RABGAP1L: variants seen among roughly 807,000 people sequenced by gnomAD.
RABGAP1L encodes RAB GTPase activating protein 1 like.
A neutral mutation model predicts 137.7 loss-of-function variants in RABGAP1L; 63 were observed. The observed-to-expected ratio is 0.46, with a 90% confidence interval of 0.37 to 0.56. The LOEUF is 0.56. RABGAP1L is among the 20% of genes least tolerant of loss of function. RABGAP1L has a pLI of 0.00. For missense variants in RABGAP1L, 1,095 were observed against 1,244.0 expected, an observed-to-expected ratio of 0.88 and a Z score of 1.80; for synonymous variants, 431 against 433.7, an observed-to-expected ratio of 0.99 and a Z score of 0.08.
chr1:174,371,004 A>G lies in RABGAP1L; in HGVS notation c.1491A>G (p.Gly497=), dbSNP rs561113406. The G allele has an allele frequency of 8.7e-6, 13 of 1,491,682 alleles. No homozygotes were observed. The East Asian group carries it at 2.7e-4, about 31-fold the overall frequency. The allele number at this position is 1,491,682 out of a possible 1,614,324, so 92.4% of individuals were successfully genotyped here. A position where few individuals can be genotyped will look rare whatever the true frequency, so the allele number is the denominator to read the frequency against. Residue 497 remains glycine, a synonymous_variant, in exon 12 of 26, where the codon GGA becomes GGG. Transcript: ENST00000681986. ...AGAGTGATAATGAACTCTCAAGTGG[A>G]ACAGGTGATGTGTCTAAGGATTGTC... The part of the protein sequence containing the change: ...EEESDNELSS[G]TGDVSKDCPE...
At chr1:174,265,978 T>C (rs943263798) in intron 7 of RABGAP1L, among the ~76,000 whole-genome samples, 3 of 152,148 alleles carry the variant, frequency 2.0e-5, no homozygotes, top group Non-Finnish European at 4.4e-5. Context: ...CATAGACAGA[T>C]AGATAGATAA....
At chr1:174,743,395 C>T (rs1410266317) in intron 17 of RABGAP1L, among the ~76,000 whole-genome samples, 1 of 152,046 alleles carries the variant, frequency 6.6e-6, no homozygotes, top group Non-Finnish European at 1.5e-5. Flanking sequence ...GCTTCAAGAC[C>T]AAAAACGTCA....
At chr1:174,763,517 A>G (rs1327789429) in intron 18 of RABGAP1L, among the ~76,000 whole-genome samples, 4 of 150,984 alleles carry the variant, frequency 2.6e-5, no homozygotes, top group Non-Finnish European at 4.4e-5. Flanking sequence ...CGGGCGTGGT[A>G]GCGGGCGCCT....
At chr1:174,633,050 A>G (rs1293044120) in intron 13 of RABGAP1L, among the ~76,000 whole-genome samples, 22 of 152,130 alleles carry the variant, frequency 1.4e-4, no homozygotes, top group South Asian at 2.1e-4. Context: ...AGGCAGGAGA[A>G]GGAAATAAAG....
intron 1 of RABGAP1L, among the ~76,000 whole-genome samples, chr1:174,178,028 G>A (rs927767204): frequency 6.6e-6 from 1 of 152,160 alleles, no homozygotes; most frequent in African/African-American, 2.4e-5. Flanking sequence ...AAAGTCAATG[G>A]TAGCTTGATG....
At chr1:174,799,775 T>TAGCAGG (rs1553254237) in intron 18 of RABGAP1L, 3 of 862,182 alleles carry the variant, frequency 3.5e-6, no homozygotes, top group Admixed American at 6.2e-5. Context: ...GCAGCAGCAG[T>TAGCAGG]AGCAGCAGCA....
At chr1:174,828,926 T>C (rs1403197032) in intron 19 of RABGAP1L, among the ~76,000 whole-genome samples, 1 of 148,510 alleles carries the variant, frequency 6.7e-6, no homozygotes, top group African/African-American at 2.5e-5. Context: ...TTACTTATTG[T>C]ACCTCAGTTA....
chr1:174,184,791 A>C (rs1002460039), intron 1 of RABGAP1L, among the ~76,000 whole-genome samples: 1 of 152,160 alleles, frequency 6.6e-6, no homozygotes, highest in Non-Finnish European at 1.5e-5. Flanking sequence ...AGTTTCGTGA[A>C]ATTTTATGGT....
Position 174,423,281 on chromosome 1 carries a change from A to G in RABGAP1L, c.1710+29136A>G, listed in dbSNP as rs116230973. ...AGAGATGAATTCAACAATATACAAT[A>G]TACATTTATTATTAGCTCACCAATA... On this transcript the variant is annotated intron_variant, in intron 13 of 25. Coordinates refer to ENST00000681986, the MANE Select transcript of RABGAP1L (RefSeq NM_001366446.1). Among the ~76,000 whole-genome samples, 1,450 of 152,286 alleles carry G rather than the reference A, an allele frequency of 9.5e-3. 22 individuals are homozygous for G. The highest frequency in any genetic ancestry group is 0.033 in the African/African-American group (1,389 of 41,560).
intron 6 of RABGAP1L, among the ~76,000 whole-genome samples, chr1:174,251,697 A>C (rs1343782566): frequency 6.6e-6 from 1 of 152,154 alleles, no homozygotes; most frequent in East Asian, 1.9e-4. Context: ...TTTTGTTTAT[A>C]TATTCATGGA....
chr1:174,240,147 C>T (rs996327550), intron 4 of RABGAP1L, among the ~76,000 whole-genome samples: 2 of 152,188 alleles, frequency 1.3e-5, no homozygotes, highest in African/African-American at 4.8e-5. Flanking sequence ...GGGTTGTCCC[C>T]TTACCCTCAG....
intron 19 of RABGAP1L, among the ~76,000 whole-genome samples, chr1:174,907,227 G>A (rs1659245698): frequency 1.3e-5 from 2 of 152,142 alleles, no homozygotes. Context: ...ACAACTGAAA[G>A]TCAAAAGGGG....
intron 10 of RABGAP1L, among the ~76,000 whole-genome samples, chr1:174,288,869 T>C (rs1571930628): frequency 6.6e-6 from 1 of 152,336 alleles, no homozygotes; most frequent in East Asian, 1.9e-4. Context: ...GTTCCAGGTA[T>C]CCTGTAGACT....
intron 14 of RABGAP1L, 42 bp downstream of exon 14, chr1:174,637,530 G>A (rs761677451): frequency 1.1e-5 from 16 of 1,415,336 alleles, no homozygotes; most frequent in Non-Finnish European, 1.5e-5. Flanking sequence ...ATTTTACAGA[G>A]CTATATTTTA....
intron 12 of RABGAP1L, among the ~76,000 whole-genome samples, chr1:174,387,225 CTTCA>C (rs919460265): frequency 3.3e-5 from 5 of 152,152 alleles, no homozygotes; most frequent in Admixed American, 2.0e-4. Flanking sequence ...AAACAAGTCA[CTTCA>C]TTCATTCATT....
chr1:174,534,299 C>T (rs1664698982), intron 13 of RABGAP1L, among the ~76,000 whole-genome samples: 2 of 151,864 alleles, frequency 1.3e-5, no homozygotes, highest in African/African-American at 4.8e-5. Context: ...CAAAACAAAA[C>T]AAAAAGCTGC....
intron 18 of RABGAP1L, among the ~76,000 whole-genome samples, chr1:174,786,111 T>G (rs1329608871): frequency 1.3e-5 from 2 of 152,166 alleles, no homozygotes; most frequent in African/African-American, 4.8e-5. Flanking sequence ...AGAGGAGGAG[T>G]GTGGAAGAGT....
rs78531520 is a variant in RABGAP1L at position 174,574,368 on chromosome 1, C to T, written c.1711-63007C>T. Among the ~76,000 whole-genome samples, 103 of 151,754 alleles carry T rather than the reference C, an allele frequency of 6.8e-4. No individual in the cohort carries two copies. The East Asian group carries it at 0.019, about 28-fold the overall frequency. The stretch of plus-strand genomic sequence containing the variant: ...CATTTTGATGAGAAACTTTAAAATC[C>T]CTTTTAGTTTTTTTTAATCGATTTA... On this transcript the variant is annotated intron_variant, in intron 13 of 25. Coordinates refer to ENST00000681986, the MANE Select transcript of RABGAP1L (RefSeq NM_001366446.1).
intron 19 of RABGAP1L, among the ~76,000 whole-genome samples, chr1:174,934,007 A>ATTTTAATAATTAATATTTATTATT (rs1287639303): frequency 6.6e-6 from 1 of 152,242 alleles, no homozygotes; most frequent in East Asian, 1.9e-4. Flanking sequence ...AAAGCCTTAC[A>ATTTTAATAATTAATATTTATTATT]GTTAATAAAT....
Sources: allele counts gnomAD v4.1 joint callset (sites outside exome capture counted in the v4.1 genomes callset), GRCh38; gene constraint gnomAD v4.1.1; transcripts MANE v1.5; gene names NCBI Gene and HGNC (gene_info 2026-07-23, HGNC 2026-07-21).